Variants in TACR3 observed in about 807,000 individuals in gnomAD.
TACR3 encodes the protein tachykinin receptor 3, also known as neuromedin-K receptor.
In TACR3, 34 loss-of-function variants were observed where a neutral mutation model predicts 35.0. The observed-to-expected ratio is 0.97, with a 90% confidence interval of 0.74 to 1.30. TACR3 has a LOEUF of 1.30. Among genes scored for constraint, TACR3 ranks in the 50% most tolerant of loss-of-function variants. The probability of loss-of-function intolerance (pLI) is 0.00; values close to 1 mark genes in which losing one functional copy is unlikely to be tolerated. For missense variants in TACR3, 558 were observed against 591.7 expected (o/e 0.94, Z 0.59); for synonymous variants, 233 against 221.1 (o/e 1.05, Z -0.48).
intron 1 of TACR3, among the ~76,000 whole-genome samples, chr4:103,662,338 A>G (rs1226393253): frequency 2.7e-5 from 4 of 150,524 alleles, no homozygotes; most frequent in African/African-American, 9.8e-5. Flanking sequence ...CTCTTGTCTC[A>G]GCCTCCTGAG....
chr4:103,592,032 G>T (rs902952549), intron 3 of TACR3, among the ~76,000 whole-genome samples: 2 of 152,140 alleles, frequency 1.3e-5, no homozygotes, highest in Non-Finnish European at 2.9e-5. Context: ...AGCCTGCATT[G>T]TACGATAGTG....
chr4:103,609,653 A>G (rs1724470278), intron 3 of TACR3, among the ~76,000 whole-genome samples: 1 of 152,102 alleles, frequency 6.6e-6, no homozygotes. Context: ...TGTACAATAC[A>G]TTATTGTTGA....
intron 1 of TACR3, among the ~76,000 whole-genome samples, chr4:103,702,724 A>C (rs1440286830): frequency 6.6e-6 from 1 of 152,120 alleles, no homozygotes; most frequent in Admixed American, 6.5e-5. Flanking sequence ...TGCAGCCATA[A>C]ATTATGATGA....
At chr4:103,645,989 T>C (rs1166998094) in intron 3 of TACR3, among the ~76,000 whole-genome samples, 2 of 152,030 alleles carry the variant, frequency 1.3e-5, no homozygotes, top group Non-Finnish European at 2.9e-5. Context: ...GCAAAACCTG[T>C]CATGTACATG....
At chr4:103,608,424 G>A (rs190607343) in intron 3 of TACR3, among the ~76,000 whole-genome samples, 1 of 152,040 alleles carries the variant, frequency 6.6e-6, no homozygotes, top group Non-Finnish European at 1.5e-5. Flanking sequence ...AGAAAGGGGA[G>A]CATAGGTGGA....
chr4:103,593,654 G>T (rs1723942091), intron 3 of TACR3, among the ~76,000 whole-genome samples: 1 of 151,962 alleles, frequency 6.6e-6, no homozygotes, highest in Non-Finnish European at 1.5e-5. Context: ...ATTTTCCCTG[G>T]CTCCTCCCTC....
At chr4:103,718,731 A>T (rs1344765668) in intron 1 of TACR3, among the ~76,000 whole-genome samples, 1 of 152,222 alleles carries the variant, frequency 6.6e-6, no homozygotes, top group Non-Finnish European at 1.5e-5. Context: ...AGTGACTGAC[A>T]GAGAGAAGGA....
chr4:103,690,764 T>C (rs899077516), intron 1 of TACR3, among the ~76,000 whole-genome samples: 1 of 152,170 alleles, frequency 6.6e-6, no homozygotes, highest in African/African-American at 2.4e-5. Context: ...GACAAAGATG[T>C]ATTTATTCTG....
intron 3 of TACR3, among the ~76,000 whole-genome samples, chr4:103,603,362 G>A (rs1045007040): frequency 1.6e-4 from 25 of 152,194 alleles, no homozygotes; most frequent in African/African-American, 2.7e-4. Context: ...GTTATGCCTC[G>A]CCCTGCTTTG....
At chr4:103,608,757 G>C (rs1724442814) in intron 3 of TACR3, among the ~76,000 whole-genome samples, 1 of 152,000 alleles carries the variant, frequency 6.6e-6, no homozygotes, top group Admixed American at 6.6e-5. Context: ...TGCAAACTTT[G>C]GGGAGGTGGA....
intron 1 of TACR3, among the ~76,000 whole-genome samples, chr4:103,713,629 A>G (rs1723021892): frequency 6.6e-6 from 1 of 152,052 alleles, no homozygotes; most frequent in Admixed American, 6.6e-5. Context: ...AATAATAATA[A>G]TAATAAGGAA....
Position 103,630,712 on chromosome 4 carries a change from A to G in TACR3, c.888+25482T>C, listed in dbSNP as rs187438095. ...GCTGGAGGAGATGTGGAGAAATGGG[A>G]ATGCTTTTACACTGTTGGTGGGAGT... On this transcript the variant is annotated intron_variant, in intron 3 of 4. Transcript: ENST00000304883. Among the ~76,000 whole-genome samples, 754 of 152,284 alleles carry G rather than the reference A, an allele frequency of 5.0e-3. 3 individuals carry two copies. Among genetic ancestry groups the G allele is most frequent in the Non-Finnish European group, 8.5e-3 (580 of 68,022 alleles).
chr4:103,634,026 C>G (rs1725125509), intron 3 of TACR3, among the ~76,000 whole-genome samples: 1 of 152,062 alleles, frequency 6.6e-6, no homozygotes, highest in Non-Finnish European at 1.5e-5. Context: ...AAAGATTACA[C>G]ATGGTTATAA....
chr4:103,701,154 T>C (rs542724199), intron 1 of TACR3, among the ~76,000 whole-genome samples: 7,936 of 151,906 alleles, frequency 0.052, 545 homozygotes, highest in African/African-American at 0.16. Context: ...AAAACCCCAT[T>C]GTCTCAGCCC....
At chr4:103,704,418 C>A (rs1190376623) in intron 1 of TACR3, among the ~76,000 whole-genome samples, 1 of 152,034 alleles carries the variant, frequency 6.6e-6, no homozygotes, top group Non-Finnish European at 1.5e-5. Flanking sequence ...AAGATACTAC[C>A]CAAGACTGGG....
intron 3 of TACR3, among the ~76,000 whole-genome samples, chr4:103,618,293 A>G (rs973467947): frequency 1.3e-5 from 2 of 152,186 alleles, no homozygotes; most frequent in African/African-American, 2.4e-5. Context: ...TCTTCTGCAT[A>G]TGGCTAGCTA....
intron 3 of TACR3, among the ~76,000 whole-genome samples, chr4:103,599,177 G>T (rs1202845611): frequency 6.6e-6 from 1 of 152,120 alleles, no homozygotes; most frequent in Non-Finnish European, 1.5e-5. Flanking sequence ...CATATCCCTT[G>T]TAAGTTGGAT....
At chr4:103,638,353 T>C (rs1487482515) in intron 3 of TACR3, among the ~76,000 whole-genome samples, 2 of 151,946 alleles carry the variant, frequency 1.3e-5, no homozygotes, top group African/African-American at 4.8e-5. Flanking sequence ...GATTCCCTAT[T>C]TAATCAATGG....
intron 3 of TACR3, among the ~76,000 whole-genome samples, chr4:103,643,807 G>A (rs910762367): frequency 6.6e-6 from 1 of 151,708 alleles, no homozygotes; most frequent in Non-Finnish European, 1.5e-5. Context: ...TTCATATGCT[G>A]AGCTTCATTT....
Sources: gnomAD v4.1 joint callset for allele counts (sites outside exome capture counted in the v4.1 genomes callset) on GRCh38, gnomAD v4.1.1 for gene constraint, MANE v1.5 for transcripts, NCBI Gene and HGNC (gene_info 2026-07-23, HGNC 2026-07-21) for gene names.